Variants in CCDC102B observed in about 807,000 individuals in gnomAD.
CCDC102B encodes the protein coiled-coil domain-containing protein 102B.
CCDC102B carries 75 observed loss-of-function variants against 57.4 expected under a neutral mutation model. That is an observed-to-expected ratio of 1.31 (90% CI 1.08 to 1.58). The LOEUF is 1.58. Ranked by LOEUF, CCDC102B falls within the 40% of genes most tolerant of loss-of-function variation. The pLI, the probability that CCDC102B is intolerant of heterozygous loss-of-function variation, is 0.00. For synonymous variants in CCDC102B, 206 were observed against 201.9 expected, an observed-to-expected ratio of 1.02 and a Z score of -0.17; for missense variants, 636 against 582.6, an observed-to-expected ratio of 1.09 and a Z score of -0.94.
At chr18:68,970,545 G>A (rs926192738) in intron 6 of CCDC102B, among the ~76,000 whole-genome samples, 3 of 150,574 alleles carry the variant, frequency 2.0e-5, no homozygotes, top group Admixed American at 1.3e-4. Flanking sequence ...TTTCTGCCTG[G>A]TTTCTAATCT....
intron 2 of CCDC102B, among the ~76,000 whole-genome samples, chr18:68,778,484 A>G (rs2144628846): frequency 6.6e-6 from 1 of 152,220 alleles, no homozygotes; most frequent in Non-Finnish European, 1.5e-5. Flanking sequence ...CTCAGCAGAT[A>G]TTGCTGATTC....
intron 1 of CCDC102B, among the ~76,000 whole-genome samples, chr18:68,829,413 G>A (rs2037052773): frequency 1.3e-5 from 2 of 151,870 alleles, no homozygotes; most frequent in African/African-American, 4.8e-5. Context: ...ATACAGTTTA[G>A]CCAAATTAGA....
intron 5 of CCDC102B, among the ~76,000 whole-genome samples, chr18:68,888,479 G>A (rs753853137): frequency 2.0e-5 from 3 of 152,048 alleles, no homozygotes; most frequent in African/African-American, 4.8e-5. Context: ...ATTTTCTCCC[G>A]CTATTGACAT....
rs146800675 is a variant in CCDC102B at position 68,966,694 on chromosome 18, G to A, written c.1264-44240G>A. Among the ~76,000 whole-genome samples, 338 of 152,226 alleles carry A rather than the reference G, an allele frequency of 2.2e-3. 1 individual carries two copies. Among genetic ancestry groups the A allele is most frequent in the Admixed American group, 4.2e-3 (64 of 15,266 alleles). On this transcript the variant is annotated intron_variant, in intron 6 of 7. Coordinates refer to ENST00000360242, the MANE Select transcript of CCDC102B (RefSeq NM_024781.3). ...GTAGTGTGGTGTTGGGGGGCAGGAA[G>A]TAGAATATCCCCCAATATTCTGATT...
At chr18:68,757,981 G>A (rs1185556558) in intron 2 of CCDC102B, among the ~76,000 whole-genome samples, 5 of 151,748 alleles carry the variant, frequency 3.3e-5, no homozygotes, top group Non-Finnish European at 7.4e-5. Flanking sequence ...GTGTCCCACA[G>A]ACTTTGTATT....
upstream of CCDC102B, among the ~76,000 whole-genome samples, chr18:68,796,939 C>G (rs1337036069): frequency 2.0e-5 from 3 of 151,810 alleles, no homozygotes; most frequent in Non-Finnish European, 2.9e-5. Flanking sequence ...GGAGAACTTT[C>G]AATCATTTGG....
At chr18:68,993,590 C>T (rs1275646516) in intron 6 of CCDC102B, among the ~76,000 whole-genome samples, 1 of 152,112 alleles carries the variant, frequency 6.6e-6, no homozygotes, top group Non-Finnish European at 1.5e-5. Context: ...CCGATTTTAT[C>T]CTATATAATT....
At chr18:69,041,251 T>C (rs2052427132) in intron 7 of CCDC102B, among the ~76,000 whole-genome samples, 1 of 152,140 alleles carries the variant, frequency 6.6e-6, no homozygotes, top group African/African-American at 2.4e-5. Context: ...ATTAGTTACA[T>C]TGAGCTTACT....
chr18:68,959,760 A>G (rs1461461179), intron 6 of CCDC102B, among the ~76,000 whole-genome samples: 2 of 151,816 alleles, frequency 1.3e-5, no homozygotes, highest in Non-Finnish European at 2.9e-5. Flanking sequence ...ATGTCTCCCT[A>G]TGGTTACCAC....
chr18:69,054,695 A>C lies in CCDC102B; in HGVS notation c.*558A>C. The C allele has an allele frequency of 1.0e-6, 1 of 984,086 alleles. No individual in the cohort carries two copies. The highest frequency in any genetic ancestry group is 1.2e-6 in the Non-Finnish European group (1 of 828,722). The allele number at this position is 984,086 out of a possible 1,614,324, so 61.0% of individuals were successfully genotyped here. A position where few individuals can be genotyped will look rare whatever the true frequency, so the allele number is the denominator to read the frequency against. On this transcript the variant is annotated 3_prime_UTR_variant, in exon 8 of 8. Transcript: ENST00000360242. ...AACAGAAGTGAGCAGATGAATCAGA[A>C]AAAAGTGTTTTGTATTTTAAAGTAA... is the stretch of plus-strand genomic sequence containing the variant.
At chr18:68,879,886 A>G (rs952412731) in intron 5 of CCDC102B, among the ~76,000 whole-genome samples, 5 of 152,154 alleles carry the variant, frequency 3.3e-5, no homozygotes, top group African/African-American at 1.2e-4. Flanking sequence ...GGCTAGACAT[A>G]AAGGTTCTCC....
At chr18:69,056,631 T>C (rs549007686), downstream of CCDC102B, among the ~76,000 whole-genome samples, 1 of 122,274 alleles carries the variant, frequency 8.2e-6, no homozygotes, top group East Asian at 2.4e-4. Flanking sequence ...TTTAGATAGA[T>C]AGATAATAGA....
intron 2 of CCDC102B, among the ~76,000 whole-genome samples, chr18:68,782,843 A>G (rs1464019122): frequency 6.6e-6 from 1 of 152,238 alleles, no homozygotes; most frequent in Non-Finnish European, 1.5e-5. Flanking sequence ...GGCAAAGGCC[A>G]TATTTTAATC....
chr18:69,018,791 G>A (rs569612989), intron 7 of CCDC102B, among the ~76,000 whole-genome samples: 1 of 151,044 alleles, frequency 6.6e-6, no homozygotes. Flanking sequence ...GTTTATTTTT[G>A]ATTTTGTTCC....
At position 68,718,035 on chromosome 18, in the gene CCDC102B, C is replaced by T. The variant is rs1047793663; in HGVS notation, c.-67+1441C>T. On this transcript the variant is annotated intron_variant, in intron 2 of 3. Coordinates refer to the CCDC102B transcript ENST00000578970. ...GAAAACACAACAAGAAGGTACCATC[C>T]TGGAAGCAGAGAGCAAACCCTTATC... is the stretch of plus-strand genomic sequence containing the variant. The T allele has an allele frequency of 2.0e-5, 3 of 152,334 alleles. No homozygotes were observed. In the East Asian group the frequency reaches 5.8e-4, roughly 29 times the overall value. 9.4% of individuals were successfully genotyped at this position (152,334 alleles called of 1,614,324 possible). A position where few individuals can be genotyped will look rare whatever the true frequency, so the allele number is the denominator to read the frequency against.
chr18:68,732,999 A>T (rs1028610226), intron 2 of CCDC102B, among the ~76,000 whole-genome samples: 3 of 138,658 alleles, frequency 2.2e-5, no homozygotes, highest in African/African-American at 1.0e-4. Flanking sequence ...AAAAAGAAAG[A>T]TAGAAAAGTT....
At chr18:68,866,141 G>A (rs558047818) in intron 4 of CCDC102B, among the ~76,000 whole-genome samples, 6 of 152,178 alleles carry the variant, frequency 3.9e-5, no homozygotes, top group South Asian at 4.1e-4. Flanking sequence ...ATCCAAATAT[G>A]TACTATCTTG....
In CCDC102B at chr18:68,956,574, ATATATATAAATATTATATATATAT is replaced by A. The variant is rs1278190616; in HGVS notation, c.1264-54351_1264-54328del. On this transcript the variant is annotated intron_variant, in intron 6 of 7. Transcript: ENST00000360242. The stretch of plus-strand genomic sequence containing the variant: ...AAATATTATATATATTATATATTTT[ATATATATAAATATTATATATATAT>A]TATATATATATAAAATATATAATAT... Among the ~76,000 whole-genome samples, 6 of 40,178 alleles carry A rather than the reference ATATATATAAATATTATATATATAT, an allele frequency of 1.5e-4. 1 individual carries two copies. In the South Asian group the frequency reaches 6.2e-3, roughly 42 times the overall value. The allele number at this position is 40,178 out of a possible 152,430, so 26.4% of individuals were successfully genotyped here.
At chr18:68,809,156 C>T (rs1353499425) in intron 1 of CCDC102B, among the ~76,000 whole-genome samples, 8 of 152,160 alleles carry the variant, frequency 5.3e-5, no homozygotes, top group Non-Finnish European at 1.2e-4. Context: ...TAATTTGGAG[C>T]ATTCATAAAC....
Sources: allele counts gnomAD v4.1 joint callset (sites outside exome capture counted in the v4.1 genomes callset), GRCh38; gene constraint gnomAD v4.1.1; transcripts MANE v1.5; gene names NCBI Gene and HGNC (gene_info 2026-07-23, HGNC 2026-07-21).